TMEM178B: variants seen among roughly 807,000 people sequenced by gnomAD.
TMEM178B encodes transmembrane protein 178B.
TMEM178B carries 5 observed loss-of-function variants against 31.0 expected under a neutral mutation model. The observed-to-expected ratio is 0.16, with a 90% CI of 0.08 to 0.34. The LOEUF (loss-of-function observed/expected upper bound fraction) is 0.34. Ranked by LOEUF, TMEM178B falls within the 10% of genes least tolerant of loss-of-function variation. The pLI is 1.00. For synonymous variants in TMEM178B, 164 were observed against 164.0 expected (o/e 1.00, Z 0.00); for missense variants, 275 against 400.3 (o/e 0.69, Z 2.67).
At chr7:141,183,652 C>T (rs1345376103) in intron 1 of TMEM178B, among the ~76,000 whole-genome samples, 1 of 152,148 alleles carries the variant, frequency 6.6e-6, no homozygotes, top group Non-Finnish European at 1.5e-5. Flanking sequence ...TTTGCTTCTC[C>T]AAATAGATGA....
intron 1 of TMEM178B, among the ~76,000 whole-genome samples, chr7:141,176,319 T>C (rs1264108280): frequency 6.6e-6 from 1 of 152,224 alleles, no homozygotes; most frequent in Non-Finnish European, 1.5e-5. Flanking sequence ...GACTTGATCA[T>C]GGTGGATAAG....
chr7:141,382,095 G>C (rs1023157050), intron 2 of TMEM178B, among the ~76,000 whole-genome samples: 49 of 152,180 alleles, frequency 3.2e-4, no homozygotes, highest in African/African-American at 1.1e-3. Context: ...TCTCCATAGG[G>C]AGAACTGTTC....
chr7:141,348,341 G>A (rs761973393), intron 2 of TMEM178B, among the ~76,000 whole-genome samples: 1 of 152,198 alleles, frequency 6.6e-6, no homozygotes, highest in Non-Finnish European at 1.5e-5. Context: ...TGCATCCAAC[G>A]TGTAATTCAG....
intron 2 of TMEM178B, among the ~76,000 whole-genome samples, chr7:141,230,392 A>G (rs1368478026): frequency 6.6e-6 from 1 of 152,238 alleles, no homozygotes; most frequent in African/African-American, 2.4e-5. Flanking sequence ...TTGATAAAAA[A>G]AGTTACTCAT....
At chr7:141,180,463 C>CAAAAAAAA (rs57969132) in intron 1 of TMEM178B, among the ~76,000 whole-genome samples, 16 of 83,270 alleles carry the variant, frequency 1.9e-4, no homozygotes, top group East Asian at 7.3e-4. Flanking sequence ...GAGCCCATCT[C>CAAAAAAAA]AAAAAAAAAA....
chr7:141,331,145 G>A (rs150835185), intron 2 of TMEM178B, among the ~76,000 whole-genome samples: 4 of 152,312 alleles, frequency 2.6e-5, no homozygotes, highest in Non-Finnish European at 5.9e-5. Context: ...AAGTAGGCAA[G>A]TGGACTACAA....
chr7:141,370,119 G>A (rs920798876), intron 2 of TMEM178B, among the ~76,000 whole-genome samples: 1 of 63,300 alleles, frequency 1.6e-5, no homozygotes, highest in African/African-American at 6.7e-5. Flanking sequence ...CCCCCCAAGT[G>A]TGTGTGACTG....
chr7:141,201,294 A>G (rs1169143824), intron 1 of TMEM178B, among the ~76,000 whole-genome samples: 1 of 152,200 alleles, frequency 6.6e-6, no homozygotes, highest in Non-Finnish European at 1.5e-5. Context: ...CTGACTGGGC[A>G]CAGGAGTGAC....
At chr7:141,153,267 T>G (rs1796008087) in intron 1 of TMEM178B, among the ~76,000 whole-genome samples, 1 of 152,240 alleles carries the variant, frequency 6.6e-6, no homozygotes, top group Non-Finnish European at 1.5e-5. Flanking sequence ...CAATATATTT[T>G]GAACATTTTC....
rs1021213664 is a variant in TMEM178B at position 141,422,789 on chromosome 7, G to C, written c.497-14819G>C. On this transcript the variant is annotated intron_variant, in intron 2 of 3. Coordinates refer to ENST00000565468, the MANE Select transcript of TMEM178B (RefSeq NM_001195278.2). The surrounding 1 kb of genome is among the most constrained non-coding windows in gnomAD (Gnocchi z 4.2). ...CCATGGGGAGAGAATAGAAATGCAA[G>C]AAACTGTCACTCACCAACCTTCTGC... is the stretch of plus-strand genomic sequence containing the variant. Among the ~76,000 whole-genome samples, 8 of 152,232 alleles carry C rather than the reference G, an allele frequency of 5.3e-5. No individual in the cohort carries two copies. Among genetic ancestry groups the C allele is most frequent in the African/African-American group, 1.9e-4 (8 of 41,526 alleles).
chr7:141,334,216 A>G (rs986300551), intron 2 of TMEM178B, among the ~76,000 whole-genome samples: 10 of 152,182 alleles, frequency 6.6e-5, no homozygotes, highest in African/African-American at 2.4e-4. Context: ...GAGATGCAGT[A>G]TAGGGTTTTG....
At chr7:141,336,937 C>T (rs1357087452) in intron 2 of TMEM178B, among the ~76,000 whole-genome samples, 5 of 130,476 alleles carry the variant, frequency 3.8e-5, no homozygotes, top group Admixed American at 7.5e-5. Flanking sequence ...CCACCATCAC[C>T]ACCACCATCA....
At chr7:141,239,451 C>A (rs1265939323) in intron 2 of TMEM178B, among the ~76,000 whole-genome samples, 1 of 152,072 alleles carries the variant, frequency 6.6e-6, no homozygotes, top group Non-Finnish European at 1.5e-5. Flanking sequence ...CACTTCGTAC[C>A]CTCCACTGAC....
intron 2 of TMEM178B, among the ~76,000 whole-genome samples, chr7:141,299,727 T>C (rs62484750): frequency 0.026 from 3,898 of 152,282 alleles, 75 homozygotes; most frequent in Non-Finnish European, 0.037. Flanking sequence ...CACATACTTA[T>C]AGGCCAGAAA....
Position 141,389,755 on chromosome 7 carries a change from G to C in TMEM178B, c.497-47853G>C, listed in dbSNP as rs766794248. On this transcript the variant is annotated intron_variant, in intron 2 of 3. Transcript: ENST00000565468. ...AAATGAATCTAAATGGGAAAATTAT[G>C]TGGAGTCTATGGTTTTTACAAGAAA... is the stretch of plus-strand genomic sequence containing the variant. Among the ~76,000 whole-genome samples, 23 of 152,314 alleles carry C rather than the reference G, an allele frequency of 1.5e-4. 1 individual carries two copies. Among genetic ancestry groups the C allele is most frequent in the Admixed American group, 7.8e-4 (12 of 15,298 alleles).
In TMEM178B at chr7:141,477,392, A is replaced by T. The variant is rs10239319; in HGVS notation, c.*6606A>T. The T allele has an allele frequency of 1.3e-5, 2 of 152,964 alleles. No individual in the cohort carries two copies. The highest frequency in any genetic ancestry group is 2.9e-5 in the Non-Finnish European group (2 of 68,208). The allele number at this position is 152,964 out of a possible 1,614,324, so 9.5% of individuals were successfully genotyped here. ...CTAAAATCCTGAGTTAGGGTGGGAT[A>T]TGAAGGGAGGGATACCATTGACACA... On this transcript the variant is annotated 3_prime_UTR_variant, in exon 4 of 4. Coordinates refer to ENST00000565468, the MANE Select transcript of TMEM178B (RefSeq NM_001195278.2).
At chr7:141,300,050 A>G (rs1284246716) in intron 2 of TMEM178B, among the ~76,000 whole-genome samples, 1 of 152,140 alleles carries the variant, frequency 6.6e-6, no homozygotes, top group African/African-American at 2.4e-5. Flanking sequence ...TCTCAAAGTG[A>G]TGGGATTATA....
chr7:141,510,833 C>T, the TMEM178B span, among the ~76,000 whole-genome samples: 6 of 152,006 alleles, frequency 3.9e-5, no homozygotes, highest in Non-Finnish European at 5.9e-5. Context: ...ACGACACCAA[C>T]TGCCCATGCC....
Position 141,473,541 on chromosome 7 carries a change from T to C in TMEM178B, c.*2755T>C, listed in dbSNP as rs1477079077. The C allele has an allele frequency of 6.6e-6, 1 of 152,246 alleles. No homozygotes were observed. Among genetic ancestry groups the C allele is most frequent in the East Asian group, 1.9e-4 (1 of 5,202 alleles). The allele number at this position is 152,246 out of a possible 1,614,324, so 9.4% of individuals were successfully genotyped here. A position where few individuals can be genotyped will look rare whatever the true frequency, so the allele number is the denominator to read the frequency against. ...CCATACTTTCAATGAATAGATTATC[T>C]GCTCTATCCAATTATTGTCTTTGTG... On this transcript the variant is annotated 3_prime_UTR_variant, in exon 4 of 4. Coordinates refer to ENST00000565468, the MANE Select transcript of TMEM178B (RefSeq NM_001195278.2).
Sources: gnomAD v4.1 joint callset for allele counts (sites outside exome capture counted in the v4.1 genomes callset) on GRCh38, gnomAD v4.1.1 for gene constraint, Gnocchi (gnomAD v3.1) non-coding constraint, MANE v1.5 for transcripts, NCBI Gene and HGNC (gene_info 2026-07-23, HGNC 2026-07-21) for gene names.